The following GRK5 variants were observed in gnomAD, a reference collection of about 807,000 sequenced individuals.
The protein encoded by GRK5 is g protein-coupled receptor kinase GRK5.
GRK5 carries 40 observed loss-of-function variants against 78.4 expected under a neutral mutation model. The observed-to-expected ratio is 0.51, with a 90% CI of 0.40 to 0.66. The LOEUF is 0.66. Among genes scored for constraint, GRK5 ranks in the 30% least tolerant of loss-of-function variants. GRK5 has a pLI of 0.00. For synonymous variants in GRK5, 289 were observed against 296.8 expected (o/e 0.97, Z 0.27); for missense variants, 598 against 759.9 (o/e 0.79, Z 2.50).
At chr10:119,394,784 C>T (rs1248770332) in intron 3 of GRK5, among the ~76,000 whole-genome samples, 3 of 49,840 alleles carry the variant, frequency 6.0e-5, no homozygotes, top group African/African-American at 1.7e-4. Context: ...TGTGTGGGCA[C>T]GTGTATGTTT....
At chr10:119,352,857 G>A (rs868022938) in intron 2 of GRK5, among the ~76,000 whole-genome samples, 7 of 152,176 alleles carry the variant, frequency 4.6e-5, no homozygotes, top group African/African-American at 9.7e-5. Context: ...GCAGAGCCCC[G>A]TATGGTGGTG....
In GRK5 at chr10:119,354,648, C is replaced by T. The variant is rs529772552; in HGVS notation, c.149-26167C>T. Among the ~76,000 whole-genome samples the T allele has an allele frequency of 2.7e-4, 41 of 152,304 alleles. No individual in the cohort carries two copies. In the South Asian group the frequency reaches 4.8e-3, roughly 18 times the overall value. Reference sequence around the variant, plus strand: ...AACTCCTAGGCTCAAGTGATCCTCCCACCTTGGCCTTCCAAAGTGCTGGGA... The same window carrying T: ...AACTCCTAGGCTCAAGTGATCCTCCTACCTTGGCCTTCCAAAGTGCTGGGA... On this transcript the variant is annotated intron_variant, in intron 2 of 15. Coordinates refer to ENST00000392870, the MANE Select transcript of GRK5 (RefSeq NM_005308.3).
At chr10:119,450,544 G>T (rs543140305) in intron 13 of GRK5, among the ~76,000 whole-genome samples, 114 of 152,310 alleles carry the variant, frequency 7.5e-4, no homozygotes, top group Middle Eastern at 3.4e-3. Flanking sequence ...GGAGAAAAGC[G>T]CTCCAGGCCC....
In GRK5 at chr10:119,242,477, C is replaced by T. The variant is rs568916080; in HGVS notation, c.52+34508C>T. ...GTCAGTGAGCTGGGTACCTGACTGG[C>T]TGACAGTGCTCTCCTGCATCCAAGA... On this transcript the variant is annotated intron_variant, in intron 1 of 15. Transcript: ENST00000392870. 2.7e-5 allele frequency among the ~76,000 whole-genome samples: 4 copies of T among 150,840 alleles called. No homozygotes were observed. In the East Asian group the frequency reaches 5.8e-4, roughly 22 times the overall value.
intron 11 of GRK5, 133 bp from the exon 12 acceptor site, chr10:119,443,411 C>A: frequency 1.3e-6 from 1 of 748,654 alleles, no homozygotes; most frequent in Non-Finnish European, 2.1e-6. Flanking sequence ...GGCAAGCTCC[C>A]TGGAGGGGGT....
At chr10:119,254,386 A>AT (rs368285997) in intron 1 of GRK5, among the ~76,000 whole-genome samples, 8,565 of 147,886 alleles carry the variant, frequency 0.058, 844 homozygotes, top group African/African-American at 0.2. Context: ...TAAGTTTTAG[A>AT]TTTTTTTTTT....
chr10:119,440,422 G>T (rs944866618), intron 10 of GRK5, among the ~76,000 whole-genome samples: 2 of 151,772 alleles, frequency 1.3e-5, no homozygotes, highest in Non-Finnish European at 2.9e-5. Flanking sequence ...CACTTGCTCA[G>T]GCTAGAGTGC....
At chr10:119,449,830 T>A (rs1489754423) in intron 13 of GRK5, among the ~76,000 whole-genome samples, 1 of 152,146 alleles carries the variant, frequency 6.6e-6, no homozygotes. Flanking sequence ...GCAAACTCAA[T>A]CTGCAGATGA....
At chr10:119,232,659 A>T (rs1038799610) in intron 1 of GRK5, among the ~76,000 whole-genome samples, 1 of 152,148 alleles carries the variant, frequency 6.6e-6, no homozygotes, top group African/African-American at 2.4e-5. Flanking sequence ...GTTTCCCTGC[A>T]CAAGCTCTCT....
rs1852787659 is a variant in GRK5, at chr10:119,430,224, G to A, written c.534-151G>A. 5 of 700,202 alleles carry A rather than the reference G, an allele frequency of 7.1e-6. No individual in the cohort carries two copies. Among genetic ancestry groups the A allele is most frequent in the East Asian group, 2.7e-5 (1 of 37,438 alleles). The allele number at this position is 700,202 out of a possible 1,614,324, so 43.4% of individuals were successfully genotyped here. On this transcript the variant is annotated intron_variant, in intron 6 of 15. Coordinates refer to ENST00000392870, the MANE Select transcript of GRK5 (RefSeq NM_005308.3). This position sits in a 1 kb window ranked among gnomAD's most constrained non-coding sequence, Gnocchi z 4.5. Reference sequence around the variant, plus strand: ...TTCAGACTAAGTCCTCGAAGGTCCAGTCTCCAGCGATGATTCCTGGGGGGT... The same window carrying A: ...TTCAGACTAAGTCCTCGAAGGTCCAATCTCCAGCGATGATTCCTGGGGGGT...
intron 1 of GRK5, among the ~76,000 whole-genome samples, chr10:119,325,895 G>A (rs1453498855): frequency 2.0e-5 from 3 of 152,236 alleles, no homozygotes; most frequent in African/African-American, 4.8e-5. Context: ...TCATGTCCAC[G>A]TGCTCAGTAC....
rs1451266135 is a variant in GRK5 at position 119,264,700 on chromosome 10, C to T, written c.52+56731C>T. 6.6e-6 allele frequency among the ~76,000 whole-genome samples: 1 copy of T among 152,176 alleles called. No individual in the cohort carries two copies. The highest frequency in any genetic ancestry group is 1.5e-5 in the Non-Finnish European group (1 of 68,036). On this transcript the variant is annotated intron_variant, in intron 1 of 15. Coordinates refer to ENST00000392870, the MANE Select transcript of GRK5 (RefSeq NM_005308.3). This position sits in a 1 kb window ranked among gnomAD's most constrained non-coding sequence, Gnocchi z 4.1. Reference sequence around the variant, plus strand: ...TCTGAGTCCTGTGTGGGTAGCAGGGCCCTGATCAGCAGCCTGGCATTGTAA... The same window carrying T: ...TCTGAGTCCTGTGTGGGTAGCAGGGTCCTGATCAGCAGCCTGGCATTGTAA...
intron 2 of GRK5, among the ~76,000 whole-genome samples, chr10:119,328,791 G>A (rs1850721208): frequency 1.3e-5 from 2 of 152,274 alleles, no homozygotes; most frequent in East Asian, 3.8e-4. Context: ...TGGCAGGGCG[G>A]TGCTTCCCGG....
intron 1 of GRK5, among the ~76,000 whole-genome samples, chr10:119,242,418 G>A (rs1564860594): frequency 2.0e-5 from 3 of 151,334 alleles, no homozygotes; most frequent in South Asian, 4.2e-4. Flanking sequence ...CAGTCTTGCC[G>A]AGCACTGGTG....
chr10:119,210,880 CTTTT>C (rs1406782360), intron 1 of GRK5, among the ~76,000 whole-genome samples: 1 of 152,170 alleles, frequency 6.6e-6, no homozygotes, highest in Non-Finnish European at 1.5e-5. Context: ...CCTATCTTTT[CTTTT>C]TGTTTTGCAT....
At chr10:119,394,313 C>CTGTGTGTGT (rs1564917006) in intron 3 of GRK5, among the ~76,000 whole-genome samples, 182 of 3,996 alleles carry the variant, frequency 0.046, no homozygotes, top group East Asian at 0.058. Context: ...TGTGTGGGCA[C>CTGTGTGTGT]GTGGGTGTGT....
chr10:119,409,167 T>C (rs1003325847), intron 4 of GRK5, among the ~76,000 whole-genome samples: 1 of 152,210 alleles, frequency 6.6e-6, no homozygotes, highest in African/African-American at 2.4e-5. Flanking sequence ...GCTGTGTCCT[T>C]AGCATCTTCT....
intron 2 of GRK5, among the ~76,000 whole-genome samples, chr10:119,355,800 CAACA>C (rs1318097012): frequency 7.2e-6 from 1 of 138,700 alleles, no homozygotes. Context: ...ACAACAACAA[CAACA>C]AAACTCCTTT....
chr10:119,324,016 CTCCGGTCTGGCT>C (rs1005823468), intron 1 of GRK5, among the ~76,000 whole-genome samples: 1 of 152,196 alleles, frequency 6.6e-6, no homozygotes, highest in African/African-American at 2.4e-5. Flanking sequence ...CCCTGCGGGC[CTCCGGTCTGGCT>C]TGCAGCTTTT....
Sources: allele counts gnomAD v4.1 joint callset (sites outside exome capture counted in the v4.1 genomes callset), GRCh38; gene constraint gnomAD v4.1.1; non-coding constraint Gnocchi (gnomAD v3.1); transcripts MANE v1.5; gene names NCBI Gene and HGNC (gene_info 2026-07-23, HGNC 2026-07-21).